Variants in ARID3A observed in about 807,000 individuals in gnomAD.
ARID3A encodes the protein AT-rich interaction domain 3A.
A neutral mutation model predicts 52.7 loss-of-function variants in ARID3A; 11 were observed. The ratio of observed to expected loss-of-function variants is 0.21; its 90% CI spans 0.13 to 0.35. ARID3A has a LOEUF of 0.35. Among genes scored for constraint, ARID3A ranks in the 10% least tolerant of loss-of-function variants. The pLI is 1.00. For synonymous variants in ARID3A, 404 were observed against 359.4 expected (o/e 1.12, Z -1.40); for missense variants, 721 against 838.5 (o/e 0.86, Z 1.73).
In ARID3A at chr19:964,564, G is replaced by A. The variant is rs552993387; in HGVS notation, c.950+133G>A. ...CAGTGGGCAGCCGCAAAGGGCACAG[G>A]GCCACACCGTGCGTCCAGGGCCCGA... On this transcript the variant is annotated intron_variant, in intron 5 of 8. Coordinates refer to ENST00000263620, the MANE Select transcript of ARID3A (RefSeq NM_005224.3). This position sits in a 1 kb window ranked among gnomAD's most constrained non-coding sequence, Gnocchi z 5.7. The A allele has an allele frequency of 3.9e-6, 5 of 1,285,696 alleles. No individual in the cohort carries two copies. Among genetic ancestry groups the A allele is most frequent in the South Asian group, 3.0e-5 (2 of 66,600 alleles). The allele number at this position is 1,285,696 out of a possible 1,614,324, so 79.6% of individuals were successfully genotyped here. A position where few individuals can be genotyped will look rare whatever the true frequency, so the allele number is the denominator to read the frequency against.
chr19:969,367 T>C (rs1366505706), intron 8 of ARID3A, among the ~76,000 whole-genome samples: 1 of 151,166 alleles, frequency 6.6e-6, no homozygotes, highest in African/African-American at 2.4e-5. Flanking sequence ...TGAGACCCCA[T>C]CTCTCCTAAA....
intron 1 of ARID3A, among the ~76,000 whole-genome samples, chr19:927,627 G>A (rs1334633847): frequency 1.3e-5 from 2 of 151,612 alleles, no homozygotes. Flanking sequence ...TCCCAGGTGG[G>A]GGAGGGGCGA....
rs777713031 is a variant in ARID3A at position 966,798 on chromosome 19, A to G, written c.1425A>G (p.Gln475=). ...LVADEQQRLM[Q]RALQQNFLAM... is the part of the protein sequence containing the mutation. ...CCGATGAGCAGCAACGGCTGATGCAACGTGCACTCCAGCAGAACTTCCTGG... is the reference window on the plus strand; with the variant it reads ...CCGATGAGCAGCAACGGCTGATGCAGCGTGCACTCCAGCAGAACTTCCTGG... Residue 475 remains glutamine, a synonymous_variant, in exon 7 of 9, where the codon CAA becomes CAG. Transcript: ENST00000263620. The G allele has an allele frequency of 2.8e-5, 45 of 1,613,578 alleles. No homozygotes were observed. The highest frequency in any genetic ancestry group is 3.5e-5 in the Non-Finnish European group (41 of 1,180,024).
intron 8 of ARID3A, among the ~76,000 whole-genome samples, chr19:969,430 G>A (rs1023996975): frequency 4.6e-5 from 7 of 151,444 alleles, no homozygotes; most frequent in Admixed American, 6.6e-5. Context: ...CCAGCTACTC[G>A]GGAGGCTGAG....
intron 2 of ARID3A, among the ~76,000 whole-genome samples, chr19:931,702 A>T (rs5015042): frequency 6.6e-6 from 1 of 151,224 alleles, no homozygotes; most frequent in Non-Finnish European, 1.5e-5. Flanking sequence ...AGTCCCAGCT[A>T]CTTGGGAGGC....
intron 1 of ARID3A, among the ~76,000 whole-genome samples, chr19:927,426 A>C (rs1367470689): frequency 6.6e-6 from 1 of 150,420 alleles, no homozygotes; most frequent in African/African-American, 2.5e-5. Context: ...TGCCCCCTCC[A>C]CCGGCCCCAA....
rs1247167764 is a variant in ARID3A, at chr19:941,995, A to C, written c.693+9253A>C. Among the ~76,000 whole-genome samples, 3 of 152,080 alleles carry C rather than the reference A, an allele frequency of 2.0e-5. No individual in the cohort carries two copies. The highest frequency in any genetic ancestry group is 7.2e-5 in the African/African-American group (3 of 41,458). On this transcript the variant is annotated intron_variant, in intron 3 of 8. Coordinates refer to ENST00000263620, the MANE Select transcript of ARID3A (RefSeq NM_005224.3). The surrounding 1 kb of genome is among the most constrained non-coding windows in gnomAD (Gnocchi z 6.9). ...CATGAGGTCGCGGTGGGGCCTATTA[A>C]CCATTAGACCCCCGGGGCTGCTAGA...
chr19:926,497 G>A (rs532971886), intron 1 of ARID3A, among the ~76,000 whole-genome samples: 1 of 151,846 alleles, frequency 6.6e-6, no homozygotes, highest in South Asian at 2.1e-4. Context: ...GCGCGCGGGG[G>A]GCTGCACCCC....
intron 3 of ARID3A, among the ~76,000 whole-genome samples, chr19:937,316 G>A (rs993258794): frequency 6.6e-6 from 1 of 152,176 alleles, no homozygotes; most frequent in African/African-American, 2.4e-5. Flanking sequence ...GTGGCCTTTT[G>A]TGTCTGGCGT....
Position 932,595 on chromosome 19 carries a change from C to A in ARID3A, c.546C>A (p.Ala182=), listed in dbSNP as rs780205484. Residue 182 remains alanine, a synonymous_variant, in exon 3 of 9, where the codon GCC becomes GCA. Coordinates refer to ENST00000263620, the MANE Select transcript of ARID3A (RefSeq NM_005224.3). ...LFPRKAQPPQ[A]FRGDGVPRVL... ...CCCGAAAGGCCCAGCCACCCCAGGC[C>A]TTCCGCGGCGATGGCGTTCCCAGGG... 16 of 1,516,976 alleles carry A rather than the reference C, an allele frequency of 1.1e-5. No individual in the cohort carries two copies. The South Asian group carries it at 2.0e-4, about 19-fold the overall frequency. The allele number at this position is 1,516,976 out of a possible 1,614,324, so 94.0% of individuals were successfully genotyped here. A position where few individuals can be genotyped will look rare whatever the true frequency, so the allele number is the denominator to read the frequency against.
In ARID3A at chr19:972,518, T is replaced by A. The variant is rs1263138241; in HGVS notation, c.*453T>A. 1 of 216,188 alleles carries A rather than the reference T, an allele frequency of 4.6e-6. No individual in the cohort carries two copies. The highest frequency in any genetic ancestry group is 2.3e-5 in the African/African-American group (1 of 44,216). 13.4% of individuals were successfully genotyped at this position (216,188 alleles called of 1,614,324 possible). A position where few individuals can be genotyped will look rare whatever the true frequency, so the allele number is the denominator to read the frequency against. ...GTGTTTTCATTTTTGTCTGCTTTAGTTCTCTTTTATTTTCTATTCACCACA... is the reference window on the plus strand; with the variant it reads ...GTGTTTTCATTTTTGTCTGCTTTAGATCTCTTTTATTTTCTATTCACCACA... On this transcript the variant is annotated 3_prime_UTR_variant, in exon 9 of 9. Transcript: ENST00000263620.
intron 4 of ARID3A, among the ~76,000 whole-genome samples, chr19:962,703 C>T (rs916209808): frequency 2.0e-5 from 3 of 151,882 alleles, no homozygotes; most frequent in African/African-American, 7.3e-5. Flanking sequence ...TTAGTAGAGA[C>T]AGGGTTTCTC....
chr19:963,542 G>A (rs1421064900), intron 4 of ARID3A, among the ~76,000 whole-genome samples: 3 of 152,190 alleles, frequency 2.0e-5, no homozygotes, highest in African/African-American at 7.2e-5. Flanking sequence ...AGGGCTGGAA[G>A]GGCGGGGAGG....
Position 929,941 on chromosome 19 carries a change from C to T in ARID3A, c.368+45C>T. 6.5e-7 allele frequency: 1 copy of T among 1,534,442 alleles called. No homozygotes were observed. The highest frequency in any genetic ancestry group is 1.4e-5 in the African/African-American group (1 of 73,066). On this transcript the variant is annotated intron_variant, in intron 2 of 8. Transcript: ENST00000263620. This position sits in a 1 kb window ranked among gnomAD's most constrained non-coding sequence, Gnocchi z 6.2. ...AGGGCCTTCTGGGGGCTGTTACTGG[C>T]TCTGAGTGTCACTCTGCTCATCTGC...
At chr19:937,699 C>CTTTT (rs951435776) in intron 3 of ARID3A, among the ~76,000 whole-genome samples, 42 of 90,800 alleles carry the variant, frequency 4.6e-4, no homozygotes, top group East Asian at 7.5e-4. Flanking sequence ...TTATTGTCGA[C>CTTTT]TTTTTTTTTT....
rs1285644159 is a variant in ARID3A at position 975,694 on chromosome 19, T to G, written c.*3629T>G. 1 of 195,748 alleles carries G rather than the reference T, an allele frequency of 5.1e-6. No individual in the cohort carries two copies. The highest frequency in any genetic ancestry group is 1.0e-5 in the Non-Finnish European group (1 of 97,888). The allele number at this position is 195,748 out of a possible 1,614,324, so 12.1% of individuals were successfully genotyped here. On this transcript the variant is annotated 3_prime_UTR_variant, in exon 9 of 9. Coordinates refer to ENST00000263620, the MANE Select transcript of ARID3A (RefSeq NM_005224.3). ...TCGCCCTGGCCGCGGCAGGGTGGCC[T>G]GTAACAATTTCAGTTTTCGCAGAAC...
intron 3 of ARID3A, chr19:956,647 C>G (rs2037924026): frequency 6.6e-6 from 1 of 152,454 alleles, no homozygotes; most frequent in South Asian, 2.1e-4. Flanking sequence ...GCTGGCCAGT[C>G]TGGCGCTGGC....
intron 4 of ARID3A, chr19:961,735 A>T (rs570161382): frequency 6.6e-6 from 1 of 152,228 alleles, no homozygotes; most frequent in African/African-American, 2.4e-5. Flanking sequence ...CCTGGCCAAC[A>T]TGGTGAAACC....
chr19:973,693 AC>A lies in ARID3A; in HGVS notation c.*1632del, dbSNP rs2038327445. On this transcript the variant is annotated 3_prime_UTR_variant, in exon 9 of 9. Transcript: ENST00000263620. ...CGCTCTGTCCCTTCCTCTTCTCCCAACCCCTTTTGTGCTGGGGCTGCGAGCT... is the reference window on the plus strand; with the variant it reads ...CGCTCTGTCCCTTCCTCTTCTCCCAACCCTTTTGTGCTGGGGCTGCGAGCT... 3 of 226,438 alleles carry A rather than the reference AC, an allele frequency of 1.3e-5. No homozygotes were observed. The highest frequency in any genetic ancestry group is 1.1e-4 in the Admixed American group (2 of 17,504). The allele number at this position is 226,438 out of a possible 1,614,324, so 14.0% of individuals were successfully genotyped here.
Sources: gnomAD v4.1 joint callset for allele counts (sites outside exome capture counted in the v4.1 genomes callset) on GRCh38, gnomAD v4.1.1 for gene constraint, Gnocchi (gnomAD v3.1) non-coding constraint, MANE v1.5 for transcripts, NCBI Gene and HGNC (gene_info 2026-07-23, HGNC 2026-07-21) for gene names.